Variants in PRKCE observed in about 807,000 individuals in gnomAD.
The protein encoded by PRKCE is protein kinase C epsilon type.
A neutral mutation model predicts 85.4 loss-of-function variants in PRKCE; 16 were observed. The observed-to-expected ratio is 0.19, with a 90% CI of 0.13 to 0.28. The LOEUF is 0.28. Ranked by LOEUF, PRKCE falls within the 10% of genes least tolerant of loss-of-function variation. The pLI is 1.00. For missense variants in PRKCE, 573 were observed against 975.2 expected, an observed-to-expected ratio of 0.59 and a Z score of 5.49; for synonymous variants, 388 against 371.5, an observed-to-expected ratio of 1.04 and a Z score of -0.51.
intron 2 of PRKCE, among the ~76,000 whole-genome samples, chr2:45,859,756 T>G (rs1388534852): frequency 2.0e-5 from 3 of 152,204 alleles, no homozygotes; most frequent in African/African-American, 7.2e-5. Flanking sequence ...ATCCAAAGAA[T>G]GAAACTTGGT....
At chr2:45,720,502 T>G (rs1357147828) in intron 1 of PRKCE, among the ~76,000 whole-genome samples, 1 of 152,102 alleles carries the variant, frequency 6.6e-6, no homozygotes, top group Non-Finnish European at 1.5e-5. Context: ...CTGTGACATT[T>G]GGGTAGGGAG....
chr2:45,657,487 G>T (rs1675432536), intron 1 of PRKCE, among the ~76,000 whole-genome samples: 1 of 152,144 alleles, frequency 6.6e-6, no homozygotes, highest in Admixed American at 6.5e-5. Flanking sequence ...TTGGTCCCTA[G>T]TAACTGCTCA....
chr2:45,751,758 A>G (rs1311696691), intron 1 of PRKCE, among the ~76,000 whole-genome samples: 1 of 150,640 alleles, frequency 6.6e-6, no homozygotes, highest in African/African-American at 2.5e-5. Flanking sequence ...AAAATTTCCC[A>G]TAACCCCACC....
At chr2:45,669,518 A>G (rs913152300) in intron 1 of PRKCE, among the ~76,000 whole-genome samples, 21 of 152,182 alleles carry the variant, frequency 1.4e-4, no homozygotes, top group African/African-American at 5.1e-4. Flanking sequence ...AGCTTGATAC[A>G]GTGGGGGCTC....
chr2:46,058,325 C>G (rs567595457), intron 10 of PRKCE, among the ~76,000 whole-genome samples: 5 of 152,220 alleles, frequency 3.3e-5, no homozygotes, highest in Non-Finnish European at 5.9e-5. Context: ...ACCCATCCAG[C>G]CTCTGGAAAG....
intron 1 of PRKCE, among the ~76,000 whole-genome samples, chr2:45,829,112 T>C (rs1209301714): frequency 1.3e-5 from 2 of 152,192 alleles, no homozygotes; most frequent in Admixed American, 6.5e-5. Flanking sequence ...GAACAATTGG[T>C]TTCTAATATT....
At chr2:46,049,010 A>G (rs1708693513) in intron 10 of PRKCE, among the ~76,000 whole-genome samples, 1 of 152,168 alleles carries the variant, frequency 6.6e-6, no homozygotes. Context: ...AAAAACTTTT[A>G]TAAGCAATTT....
At chr2:46,078,792 A>C (rs575950394) in intron 10 of PRKCE, 1 of 152,230 alleles carries the variant, frequency 6.6e-6, no homozygotes, top group Admixed American at 6.5e-5. Flanking sequence ...TCAAGATTTT[A>C]CTCAAGTGTA....
chr2:45,988,465 A>G (rs2104625873), intron 6 of PRKCE, among the ~76,000 whole-genome samples: 1 of 152,246 alleles, frequency 6.6e-6, no homozygotes, highest in African/African-American at 2.4e-5. Context: ...GGAAATGGAA[A>G]TCTGGAAAGA....
intron 1 of PRKCE, among the ~76,000 whole-genome samples, chr2:45,810,784 C>G (rs1325142692): frequency 1.3e-5 from 2 of 152,156 alleles, no homozygotes; most frequent in Non-Finnish European, 2.9e-5. Context: ...CAAAATCTAA[C>G]TTTGTTGCCT....
chr2:45,821,504 G>A (rs957267392), intron 1 of PRKCE, among the ~76,000 whole-genome samples: 2 of 152,154 alleles, frequency 1.3e-5, no homozygotes, highest in Admixed American at 1.3e-4. Context: ...TGACAACCCA[G>A]TTGACCCTCA....
intron 2 of PRKCE, among the ~76,000 whole-genome samples, chr2:45,891,086 G>T (rs142649558): frequency 7.2e-5 from 11 of 152,172 alleles, no homozygotes; most frequent in African/African-American, 2.7e-4. Flanking sequence ...TGATATTGTG[G>T]TTAGTCAGTT....
chr2:46,099,750 C>T (rs763795712), intron 11 of PRKCE, among the ~76,000 whole-genome samples: 2 of 152,098 alleles, frequency 1.3e-5, no homozygotes, highest in Non-Finnish European at 2.9e-5. Flanking sequence ...TCTTGACTAA[C>T]CTATTTACAT....
chr2:45,976,363 G>A (rs886968260), intron 2 of PRKCE, 66 bp from the exon 3 acceptor site: 6 of 1,543,666 alleles, frequency 3.9e-6, no homozygotes, highest in Non-Finnish European at 4.4e-6. Flanking sequence ...GCTCTCCAGA[G>A]GGAGCTCATT....
chr2:45,767,116 G>A (rs928721367), intron 1 of PRKCE, among the ~76,000 whole-genome samples: 50 of 151,662 alleles, frequency 3.3e-4, no homozygotes, highest in African/African-American at 1.1e-3. Flanking sequence ...TGGTCTTTGC[G>A]TTTGCTTCCC....
At chr2:45,921,067 G>A (rs189752129) in intron 2 of PRKCE, among the ~76,000 whole-genome samples, 2 of 152,228 alleles carry the variant, frequency 1.3e-5, no homozygotes, top group South Asian at 4.1e-4. Context: ...GTCTGGAAAT[G>A]TCCCCTGCCC....
At chr2:45,991,698 A>G (rs567456579) in intron 6 of PRKCE, among the ~76,000 whole-genome samples, 2 of 152,378 alleles carry the variant, frequency 1.3e-5, no homozygotes, top group South Asian at 4.1e-4. Flanking sequence ...TATGAAAGAA[A>G]GGCCCACAGA....
At chr2:46,110,209 G>C (rs893987198) in intron 11 of PRKCE, among the ~76,000 whole-genome samples, 2 of 152,102 alleles carry the variant, frequency 1.3e-5, no homozygotes, top group Admixed American at 6.5e-5. Flanking sequence ...CTCATAGAAT[G>C]AGTTAGGAAG....
At chr2:46,065,085 T>C (rs1158623155) in intron 10 of PRKCE, among the ~76,000 whole-genome samples, 4 of 152,232 alleles carry the variant, frequency 2.6e-5, no homozygotes, top group Non-Finnish European at 4.4e-5. Flanking sequence ...AGCGCTGGCA[T>C]CACAGATTAT....
Sources: allele counts gnomAD v4.1 joint callset (sites outside exome capture counted in the v4.1 genomes callset), GRCh38; gene constraint gnomAD v4.1.1; transcripts MANE v1.5; gene names NCBI Gene and HGNC (gene_info 2026-07-23, HGNC 2026-07-21).